The following KRT75 variants were observed in gnomAD, a reference collection of about 807,000 sequenced individuals.
KRT75 encodes keratin, type II cytoskeletal 75.
In KRT75, 35 loss-of-function variants were observed where a neutral mutation model predicts 48.8. The ratio of observed to expected loss-of-function variants is 0.72; its 90% CI spans 0.55 to 0.95. KRT75 has a LOEUF of 0.95. Ranked by LOEUF, KRT75 falls within the 40% of genes least tolerant of loss-of-function variation. The pLI is 0.00. For missense variants in KRT75, 776 were observed against 709.9 expected (o/e 1.09, Z -1.06); for synonymous variants, 301 against 282.3 (o/e 1.07, Z -0.66).
chr12:52,431,622 T>C lies in KRT75; in HGVS notation c.791A>G (p.Tyr264Cys). The change falls in exon 4 of 9, where the codon TAT becomes TGT. Residue 264 changes from tyrosine to cysteine, a missense_variant. Tyr to Cys is a radical substitution (Grantham distance 194). Coordinates refer to ENST00000252245, the MANE Select transcript of KRT75 (RefSeq NM_004693.3). Reference protein sequence around the residue: ...VALKKDVDAAYMNKVELEAKV... With the variant: ...VALKKDVDAACMNKVELEAKV... The stretch of plus-strand genomic sequence containing the variant: ...GGCTTCCAGCTCCACCTTGTTCATA[T>C]AGGCAGCATCTACGTCCTGGAATGA... The C allele has an allele frequency of 6.2e-7, 1 of 1,613,784 alleles. No homozygotes were observed. The highest frequency in any genetic ancestry group is 2.2e-5 in the East Asian group (1 of 44,880).
In KRT75 at chr12:52,433,941, G is replaced by T. The variant is rs202131584; in HGVS notation, c.364C>A (p.Gln122Lys). The T allele has an allele frequency of 1.9e-6, 3 of 1,614,188 alleles. No individual in the cohort carries two copies. In the African/African-American group the frequency reaches 4.0e-5, roughly 22 times the overall value. Residue 122 changes from glutamine to lysine, a missense_variant, in exon 1 of 9, where the codon CAA becomes AAA. Physicochemically the swap from Gln to Lys is moderately conservative, Grantham distance 53 (BLOSUM62 1). Coordinates refer to ENST00000252245, the MANE Select transcript of KRT75 (RefSeq NM_004693.3). Reference protein sequence around the residue: ...SFPVCPPGGIQEVTVNQSLLT... With the variant: ...SFPVCPPGGIKEVTVNQSLLT... ...AGACTCTGGTTGACAGTGACCTCTT[G>T]GATGCCTCCAGGGGGACACACGGGG...
chr12:52,428,521 G>C, intron 6 of KRT75, 45 bp from the exon 7 acceptor site: 1 of 1,612,082 alleles, frequency 6.2e-7, no homozygotes, highest in Non-Finnish European at 8.5e-7. Context: ...ACAGCCCATG[G>C]AGGTGTGGTG....
In KRT75 at chr12:52,430,594, C is replaced by T. The variant is rs143629874; in HGVS notation, c.982G>A (p.Glu328Lys). 49 of 1,614,008 alleles carry T rather than the reference C, an allele frequency of 3.0e-5. No homozygotes were observed. Among genetic ancestry groups the T allele is most frequent in the East Asian group, 4.5e-5 (2 of 44,894 alleles). ...GCCCGGCTGCGGTTGGCAATGTCCT[C>T]GTATTGTGCTTTGACCTCGGCGATG... ...SIIAEVKAQY[E>K]DIANRSRAEA... is the part of the protein sequence containing the mutation. The change falls in exon 5 of 9, where the codon GAG (glutamate) becomes AAG (lysine). Residue 328 changes from glutamate to lysine, a missense_variant. Physicochemically the swap from Glu to Lys is moderately conservative, Grantham distance 56. Coordinates refer to ENST00000252245, the MANE Select transcript of KRT75 (RefSeq NM_004693.3).
At chr12:52,430,799 T>C in intron 4 of KRT75, 94 bp from the exon 5 acceptor site, 1 of 1,362,130 alleles carries the variant, frequency 7.3e-7, no homozygotes, top group Non-Finnish European at 1.0e-6. Flanking sequence ...AATCCTTTCC[T>C]TGGTATTCCT....
At chr12:52,428,823 G>T in intron 5 of KRT75, 80 bp from the exon 6 acceptor site, 1 of 1,588,370 alleles carries the variant, frequency 6.3e-7, no homozygotes, top group Non-Finnish European at 8.6e-7. Context: ...CCCACCCTGG[G>T]TGCCACAAGC....
At chr12:52,426,381 C>A (rs993115949) in intron 8 of KRT75, among the ~76,000 whole-genome samples, 14 of 152,222 alleles carry the variant, frequency 9.2e-5, no homozygotes, top group African/African-American at 3.1e-4. Flanking sequence ...GAGAAGCTGC[C>A]TAGTTGGCAA....
chr12:52,426,511 G>A (rs1940077770), intron 8 of KRT75, among the ~76,000 whole-genome samples: 1 of 152,168 alleles, frequency 6.6e-6, no homozygotes. Flanking sequence ...CAACAAAAAG[G>A]CAGGGAATTC....
chr12:52,424,784 A>G (rs1442193200), intron 8 of KRT75, 29 bp from the exon 9 acceptor site: 1 of 1,551,506 alleles, frequency 6.4e-7, no homozygotes, highest in East Asian at 2.2e-5. Context: ...GTGTGGTCAG[A>G]TCAAGTGCAA....
chr12:52,428,549 C>A, intron 6 of KRT75, 69 bp downstream of exon 6: 3 of 1,613,696 alleles, frequency 1.9e-6, no homozygotes, highest in Non-Finnish European at 2.5e-6. Flanking sequence ...GGGAGGAGTT[C>A]TTAAAGATGG....
chr12:52,424,797 G>A (rs540004727), intron 8 of KRT75, 42 bp from the exon 9 acceptor site: 29 of 1,488,778 alleles, frequency 1.9e-5, no homozygotes, highest in East Asian at 9.0e-5. Context: ...AAGTGCAAGC[G>A]AGAAGACAGC....
At chr12:52,428,130 C>T in intron 7 of KRT75, 126 bp downstream of exon 7, 1 of 1,224,506 alleles carries the variant, frequency 8.2e-7, no homozygotes, top group Non-Finnish European at 1.2e-6. Flanking sequence ...TTGCCATAGC[C>T]CAATTCTGAA....
rs770991456 is a variant in KRT75, at chr12:52,433,208, C to T, written c.543G>A (p.Trp181Ter). ...EQQNKVLETK[W>*]ALLQEQGSRT... Reference sequence around the variant, plus strand: ...TGGAGCCCTGCTCCTGCAGGAGGGCCCACTTGGTCTCCAGGACCTTGTTCT... The same window carrying T: ...TGGAGCCCTGCTCCTGCAGGAGGGCTCACTTGGTCTCCAGGACCTTGTTCT... Residue 181 changes from tryptophan (W) to a stop codon, truncating the protein, a stop_gained, in exon 2 of 9, where the codon TGG (tryptophan) becomes TGA (stop). Transcript: ENST00000252245. LOFTEE classifies it high-confidence loss of function. The T allele has an allele frequency of 1.4e-5, 22 of 1,614,086 alleles. No homozygotes were observed. The highest frequency in any genetic ancestry group is 1.7e-5 in the Non-Finnish European group (20 of 1,180,024).
At position 52,433,825 on chromosome 12, in the gene KRT75, G is replaced by A. The variant is rs530407671; in HGVS notation, c.480C>T (p.Phe160=). 2.4e-5 allele frequency: 38 copies of A among 1,614,178 alleles called. No individual in the cohort carries two copies. The highest frequency in any genetic ancestry group is 9.3e-5 in the African/African-American group (7 of 75,052). The change falls in exon 1 of 9, where the codon TTC becomes TTT. Residue 160 remains phenylalanine, a synonymous_variant. Transcript: ENST00000252245. The part of the protein sequence containing the change: ...REQIKTLNNK[F]ASFIDKVRFL... ...TGCTTACCTTGTCGATGAAGGAGGCGAACTTATTGTTGAGGGTCTTGATCT... is the reference window on the plus strand; with the variant it reads ...TGCTTACCTTGTCGATGAAGGAGGCAAACTTATTGTTGAGGGTCTTGATCT...
chr12:52,430,580 G>C lies in KRT75; in HGVS notation c.996C>G (p.Asn332Lys). Reference protein sequence around the residue: ...EVKAQYEDIANRSRAEAESWY... With the variant: ...EVKAQYEDIAKRSRAEAESWY... ...AGGACTCAGCCTCGGCCCGGCTGCG[G>C]TTGGCAATGTCCTCGTATTGTGCTT... is the stretch of plus-strand genomic sequence containing the variant. The change falls in exon 5 of 9, where the codon AAC (asparagine) becomes AAG (lysine). Residue 332 changes from asparagine to lysine, a missense_variant. Coordinates refer to ENST00000252245, the MANE Select transcript of KRT75 (RefSeq NM_004693.3). 6.2e-7 allele frequency: 1 copy of C among 1,614,166 alleles called. No individual in the cohort carries two copies. The highest frequency in any genetic ancestry group is 1.1e-5 in the South Asian group (1 of 91,080).
intron 5 of KRT75, 57 bp from the exon 6 acceptor site, chr12:52,428,800 C>G (rs564411093): frequency 1.9e-6 from 3 of 1,611,650 alleles, no homozygotes; most frequent in African/African-American, 2.7e-5. Context: ...CAGGCACTCG[C>G]TGTGCACACA....
Position 52,424,673 on chromosome 12 carries a change from G to A in KRT75, c.1500C>T (p.Ser500=), listed in dbSNP as rs759988675. 1.4e-5 allele frequency: 22 copies of A among 1,614,006 alleles called. No individual in the cohort carries two copies. The highest frequency in any genetic ancestry group is 1.2e-4 in the Admixed American group (7 of 60,010). ...CACCACTGGTGGTGAAGGAGTAGCC[G>A]CTGCCCCCACCGAGGCCCAGGTTTC... ...GGGNLGLGGG[S]GYSFTTSGGH... Residue 500 remains serine, a synonymous_variant, in exon 9 of 9, where the codon AGC becomes AGT. Transcript: ENST00000252245.
intron 7 of KRT75, among the ~76,000 whole-genome samples, chr12:52,427,518 A>T (rs1032905963): frequency 2.6e-5 from 4 of 152,234 alleles, no homozygotes; most frequent in African/African-American, 9.6e-5. Flanking sequence ...CAAGTTAACT[A>T]ACTTGCCCAT....
In KRT75 at chr12:52,432,061, T is replaced by C. The variant is rs1940152278; in HGVS notation, c.719A>G (p.Glu240Gly). The C allele has an allele frequency of 6.2e-7, 1 of 1,614,040 alleles. No individual in the cohort carries two copies. Among genetic ancestry groups the C allele is most frequent in the Admixed American group, 1.7e-5 (1 of 60,002 alleles). Residue 240 changes from glutamate to glycine, a missense_variant, in exon 3 of 9, where the codon GAA (glutamate) becomes GGA (glycine). Glu to Gly is a moderately conservative substitution (Grantham distance 98, BLOSUM62 -2). Coordinates refer to ENST00000252245, the MANE Select transcript of KRT75 (RefSeq NM_004693.3). The stretch of plus-strand genomic sequence containing the variant: ...AGCTGTGCGCTTGTTAATTTCATCT[T>C]CGTACCTATAAGGACAGAGCGGGGG... Reference protein sequence around the residue: ...DVVEDFKVRYEDEINKRTAAE... With the variant: ...DVVEDFKVRYGDEINKRTAAE...
rs772619523 is a variant in KRT75 at position 52,434,331 on chromosome 12, G to T, written c.-27C>A. The T allele has an allele frequency of 6.3e-6, 10 of 1,576,852 alleles. No homozygotes were observed. Among genetic ancestry groups the T allele is most frequent in the Non-Finnish European group, 1.7e-6 (2 of 1,169,474 alleles). On this transcript the variant is annotated 5_prime_UTR_variant, in exon 1 of 9. Coordinates refer to ENST00000252245, the MANE Select transcript of KRT75 (RefSeq NM_004693.3). The stretch of plus-strand genomic sequence containing the variant: ...GTGGGTGAGGAAGGCCGGCGAGAAG[G>T]CACCTGAGGTGGGCTGGTACAGGCA...
Sources: gnomAD v4.1 joint callset for allele counts (sites outside exome capture counted in the v4.1 genomes callset) on GRCh38, gnomAD v4.1.1 for gene constraint, MANE v1.5 for transcripts, NCBI Gene and HGNC (gene_info 2026-07-23, HGNC 2026-07-21) for gene names.